FAR2: variants seen among roughly 807,000 people sequenced by gnomAD.
The protein encoded by FAR2 is epididymis secretory protein Li 81.
FAR2 carries 19 observed loss-of-function variants against 56.0 expected under a neutral mutation model. The observed-to-expected ratio is 0.34, with a 90% CI of 0.24 to 0.50. FAR2 has a LOEUF of 0.50. Ranked by LOEUF, FAR2 falls within the 20% of genes least tolerant of loss-of-function variation. FAR2 has a pLI of 0.98. For missense variants in FAR2, 508 were observed against 642.2 expected (o/e 0.79, Z 2.26); for synonymous variants, 219 against 218.8 (o/e 1.00, Z -0.01).
rs768189444 is a variant in FAR2, at chr12:29,297,147, T to G, written c.492T>G (p.Asp164Glu). ...CAAATTGTAACCTGAAGCACATCGA[T>G]GAAGTTATCTATCCGTGCCCTGTGG... is the stretch of plus-strand genomic sequence containing the variant. Reference protein sequence around the residue: ...AYSNCNLKHIDEVIYPCPVEP... With the variant: ...AYSNCNLKHIEEVIYPCPVEP... Residue 164 changes from aspartate (D) to glutamate (E), a missense_variant, in exon 4 of 12, where the codon GAT becomes GAG. Physicochemically the swap from Asp to Glu is conservative, Grantham distance 45 (BLOSUM62 2). Transcript: ENST00000536681. 1 of 1,614,080 alleles carries G rather than the reference T, an allele frequency of 6.2e-7. No homozygotes were observed. Among genetic ancestry groups the G allele is most frequent in the South Asian group, 1.1e-5 (1 of 91,062 alleles).
chr12:29,255,813 T>C (rs1948307793), intron 1 of FAR2, among the ~76,000 whole-genome samples: 1 of 152,080 alleles, frequency 6.6e-6, no homozygotes, highest in African/African-American at 2.4e-5. Context: ...TCTAAGAAAT[T>C]CTTTTTAAAG....
chr12:29,160,545 T>A (rs1379619284), intron 1 of FAR2, among the ~76,000 whole-genome samples: 1 of 152,202 alleles, frequency 6.6e-6, no homozygotes, highest in Non-Finnish European at 1.5e-5. Flanking sequence ...ACTTAACCTT[T>A]CAGTCTTCCC....
chr12:29,316,744 T>A, intron 8 of FAR2, 97 bp from the exon 9 acceptor site: 1 of 1,224,726 alleles, frequency 8.2e-7, no homozygotes, highest in African/African-American at 1.5e-5. Context: ...CAGCAAATCC[T>A]TCGTCTTTAT....
intron 1 of FAR2, among the ~76,000 whole-genome samples, chr12:29,211,285 C>T (rs554393163): frequency 6.6e-6 from 1 of 151,948 alleles, no homozygotes; most frequent in Non-Finnish European, 1.5e-5. Context: ...AGCAATACTC[C>T]GTCTCAAAAA....
intron 1 of FAR2, among the ~76,000 whole-genome samples, chr12:29,265,092 C>T (rs567611420): frequency 5.1e-4 from 78 of 152,232 alleles, no homozygotes; most frequent in African/African-American, 1.7e-3. Flanking sequence ...GTTAAAATGC[C>T]TATACTATGC....
chr12:29,213,173 C>G (rs1947573041), intron 1 of FAR2, among the ~76,000 whole-genome samples: 1 of 151,964 alleles, frequency 6.6e-6, no homozygotes, highest in Non-Finnish European at 1.5e-5. Context: ...ACCATTTCCT[C>G]CTTCAAAGTG....
chr12:29,298,346 A>G (rs1307980698), intron 4 of FAR2, among the ~76,000 whole-genome samples: 2 of 151,198 alleles, frequency 1.3e-5, no homozygotes, highest in South Asian at 2.1e-4. Context: ...AGAAAAATGG[A>G]CTATTTCACA....
chr12:29,290,447 GAAA>G (rs1051749214), intron 2 of FAR2, among the ~76,000 whole-genome samples: 1 of 131,974 alleles, frequency 7.6e-6, no homozygotes, highest in Admixed American at 7.8e-5. Context: ...CTCTGTCTGA[GAAA>G]AAAAAAAAAA....
At chr12:29,162,077 T>G (rs558327744) in intron 1 of FAR2, among the ~76,000 whole-genome samples, 1 of 152,208 alleles carries the variant, frequency 6.6e-6, no homozygotes, top group East Asian at 1.9e-4. Flanking sequence ...ATGCCTGGCC[T>G]TTTTGCTCTT....
intron 9 of FAR2, 70 bp downstream of exon 9, chr12:29,317,082 C>A (rs1331455776): frequency 2.5e-5 from 37 of 1,463,386 alleles, no homozygotes; most frequent in Non-Finnish European, 3.3e-5. Flanking sequence ...ATCTTTAGTG[C>A]TTCCTTCAGC....
At chr12:29,149,645 C>G (rs1228840413) in intron 1 of FAR2, among the ~76,000 whole-genome samples, 1 of 152,238 alleles carries the variant, frequency 6.6e-6, no homozygotes, top group Non-Finnish European at 1.5e-5. Context: ...CGTTTACGCG[C>G]GGTTGGCGTC....
At chr12:29,296,945 T>G in intron 3 of FAR2, 76 bp from the exon 4 acceptor site, 7 of 1,356,136 alleles carry the variant, frequency 5.2e-6, no homozygotes, top group Non-Finnish European at 5.0e-6. Context: ...ATGCCAGTTA[T>G]TGGAGTAGGT....
chr12:29,327,101 C>T (rs1949661975), intron 10 of FAR2, among the ~76,000 whole-genome samples: 1 of 152,168 alleles, frequency 6.6e-6, no homozygotes, highest in South Asian at 2.1e-4. Context: ...TATACCTATA[C>T]ACCAATGACA....
intron 1 of FAR2, among the ~76,000 whole-genome samples, chr12:29,269,197 G>A (rs968743160): frequency 6.6e-6 from 1 of 152,072 alleles, no homozygotes; most frequent in African/African-American, 2.4e-5. Flanking sequence ...ATAAAAGACA[G>A]GTGCACCTTG....
At chr12:29,333,322 A>C (rs1457010262) in intron 11 of FAR2, 1 of 289,128 alleles carries the variant, frequency 3.5e-6, no homozygotes, top group East Asian at 7.7e-5. Flanking sequence ...ATGAACAAGA[A>C]CCAGTGAAGA....
chr12:29,295,115 C>T (rs1335472559), intron 3 of FAR2, among the ~76,000 whole-genome samples: 21 of 152,146 alleles, frequency 1.4e-4, no homozygotes, highest in Non-Finnish European at 2.8e-4. Context: ...CTCTGTTGCC[C>T]AGGCTGGAGT....
chr12:29,191,952 C>T (rs981116113), intron 1 of FAR2, among the ~76,000 whole-genome samples: 4 of 151,908 alleles, frequency 2.6e-5, no homozygotes, highest in African/African-American at 9.7e-5. Flanking sequence ...TGTATAGAGA[C>T]TACTACTCCT....
intron 1 of FAR2, among the ~76,000 whole-genome samples, chr12:29,165,934 C>T (rs570362150): frequency 5.6e-4 from 86 of 152,324 alleles, no homozygotes; most frequent in African/African-American, 1.9e-3. Flanking sequence ...AGCAAATAAA[C>T]ACCTGGTAAA....
Position 29,309,092 on chromosome 12 carries a change from CTT to C in FAR2, c.724-93_724-92del, listed in dbSNP as rs1167563674. On this transcript the variant is annotated intron_variant, in intron 5 of 11. Transcript: ENST00000536681. ...TTCTATTGGCTGGGATCTCAGTGCTCTTGTTTGAAATTTATTAAGATTAGACT... is the reference window on the plus strand; with the variant it reads ...TTCTATTGGCTGGGATCTCAGTGCTCGTTTGAAATTTATTAAGATTAGACT... 19 of 871,726 alleles carry C rather than the reference CTT, an allele frequency of 2.2e-5. No individual in the cohort carries two copies. The East Asian group carries it at 2.4e-4, about 11-fold the overall frequency. 54.0% of individuals were successfully genotyped at this position (871,726 alleles called of 1,614,324 possible).
Sources: gnomAD v4.1 joint callset for allele counts (sites outside exome capture counted in the v4.1 genomes callset) on GRCh38, gnomAD v4.1.1 for gene constraint, MANE v1.5 for transcripts, NCBI Gene and HGNC (gene_info 2026-07-23, HGNC 2026-07-21) for gene names.